MYO1G: variants seen among roughly 807,000 people sequenced by gnomAD.
The protein encoded by MYO1G is unconventional myosin-Ig.
Under a neutral mutation model 115.3 loss-of-function variants are expected in MYO1G, and 65 were observed. The observed-to-expected ratio is 0.56, with a 90% CI of 0.46 to 0.69. MYO1G has a LOEUF of 0.69. Ranked by LOEUF, MYO1G falls within the 30% of genes least tolerant of loss-of-function variation. MYO1G has a pLI of 0.00. For missense variants in MYO1G, 1,204 were observed against 1,393.5 expected (o/e 0.86, Z 2.16); for synonymous variants, 510 against 552.6 (o/e 0.92, Z 1.08).
chr7:44,972,275 C>A (rs749782651), intron 5 of MYO1G, 50 bp from the exon 6 acceptor site: 16 of 1,302,020 alleles, frequency 1.2e-5, no homozygotes, highest in Non-Finnish European at 1.7e-5. Flanking sequence ...GGATGTCCCC[C>A]TGTACACACA....
chr7:44,968,098 C>T (rs1192068619), intron 12 of MYO1G, 140 bp from the exon 13 acceptor site: 4 of 674,342 alleles, frequency 5.9e-6, no homozygotes, highest in Non-Finnish European at 1.0e-5. Context: ...TGCCTTGGCT[C>T]CTCTCCTCCT....
rs770696573 is a variant in MYO1G at position 44,975,554 on chromosome 7, T to C, written c.494A>G (p.Tyr165Cys). 3 of 1,613,938 alleles carry C rather than the reference T, an allele frequency of 1.9e-6. No homozygotes were observed. In the African/African-American group the frequency reaches 4.0e-5, roughly 22 times the overall value. ...RNHNSSRFGK[Y>C]MDINFDFKGD... ...CTTGAAGTCAAAGTTGATGTCCATGTACTTGCCAAAGCGGCTGGAGTTGTG... is the reference window on the plus strand; with the variant it reads ...CTTGAAGTCAAAGTTGATGTCCATGCACTTGCCAAAGCGGCTGGAGTTGTG... The change falls in exon 4 of 22, where the codon TAC becomes TGC. Residue 165 changes from tyrosine to cysteine, a missense_variant. Physicochemically the swap from Tyr to Cys is radical, Grantham distance 194. Transcript: ENST00000258787.
rs1293467932 is a variant in MYO1G at position 44,963,188 on chromosome 7, C to G, written c.2746-64G>C. 7.3e-7 allele frequency: 1 copy of G among 1,378,550 alleles called. No individual in the cohort carries two copies. The highest frequency in any genetic ancestry group is 1.5e-5 in the African/African-American group (1 of 65,438). 85.4% of individuals were successfully genotyped at this position (1,378,550 alleles called of 1,614,324 possible). On this transcript the variant is annotated intron_variant, in intron 20 of 21. Transcript: ENST00000258787. This position sits in a 1 kb window ranked among gnomAD's most constrained non-coding sequence, Gnocchi z 4.1. ...CCGCACCCCAGCCTAGCCGGACTCA[C>G]CCCCTCCCCAGGAAGCCTCTGCCGA...
chr7:44,971,874 G>A, intron 6 of MYO1G, 85 bp from the exon 7 acceptor site: 1 of 1,043,972 alleles, frequency 9.6e-7, no homozygotes, highest in Non-Finnish European at 1.4e-6. Flanking sequence ...TCCATCCTAG[G>A]CACCTGCTCA....
At position 44,967,674 on chromosome 7, in the gene MYO1G, C is replaced by T; in HGVS notation, c.1713G>A (p.Lys571=). 6.2e-7 allele frequency: 1 copy of T among 1,613,854 alleles called. No homozygotes were observed. The highest frequency in any genetic ancestry group is 1.7e-5 in the Admixed American group (1 of 60,038). The change falls in exon 14 of 22, where the codon AAG becomes AAA. Residue 571 remains lysine (K), a synonymous_variant. Coordinates refer to ENST00000258787, the MANE Select transcript of MYO1G (RefSeq NM_033054.3). ...AGAGTGTGCCAGCCGTCAGGGGGCG[C>T]TTGGTCACCTCTGTGATGTCCTGCT... ...DGQQDITEVT[K]RPLTAGTLFK...
chr7:44,964,330 C>T lies in MYO1G; in HGVS notation c.2631+85G>A, dbSNP rs1321733092. The T allele has an allele frequency of 1.4e-6, 2 of 1,439,128 alleles. No homozygotes were observed. Among genetic ancestry groups the T allele is most frequent in the Admixed American group, 3.4e-5 (2 of 59,258 alleles). 89.1% of individuals were successfully genotyped at this position (1,439,128 alleles called of 1,614,324 possible). A position where few individuals can be genotyped will look rare whatever the true frequency, so the allele number is the denominator to read the frequency against. On this transcript the variant is annotated intron_variant, in intron 19 of 21. Coordinates refer to ENST00000258787, the MANE Select transcript of MYO1G (RefSeq NM_033054.3). This position sits in a 1 kb window ranked among gnomAD's most constrained non-coding sequence, Gnocchi z 5.1. ...CCTCCATTTTCTCCCAAGTGCCCCCCCAAAACTCTGCACCAGCTTCTAACC... is the reference window on the plus strand; with the variant it reads ...CCTCCATTTTCTCCCAAGTGCCCCCTCAAAACTCTGCACCAGCTTCTAACC...
At chr7:44,967,816 C>T (rs1418499167) in intron 13 of MYO1G, 68 bp downstream of exon 13, 1 of 1,612,164 alleles carries the variant, frequency 6.2e-7, no homozygotes, top group Non-Finnish European at 8.5e-7. Context: ...TAGTCAATGC[C>T]TGACCCCAGA....
Position 44,970,159 on chromosome 7 carries a change from G to A in MYO1G, c.1218-5C>T. The A allele has an allele frequency of 1.2e-6, 2 of 1,605,420 alleles. No homozygotes were observed. Among genetic ancestry groups the A allele is most frequent in the Non-Finnish European group, 1.7e-6 (2 of 1,172,694 alleles). ...TTGATGCAGAACTGCTCGAAACTGG[G>A]GGTGGGGTGGGCCTTTCAGAGGGGA... On this transcript the variant is annotated splice_polypyrimidine_tract_variant and splice_region_variant and intron_variant, in intron 9 of 21. Transcript: ENST00000258787.
At chr7:44,977,295 T>C (rs554338934) in intron 1 of MYO1G, among the ~76,000 whole-genome samples, 5 of 152,324 alleles carry the variant, frequency 3.3e-5, no homozygotes, top group Non-Finnish European at 7.3e-5. Flanking sequence ...GGCATAGAGT[T>C]TGGGGTCCAC....
Position 44,975,484 on chromosome 7 carries a change from C to G in MYO1G, c.564G>C (p.Lys188Asn). The change falls in exon 4 of 22, where the codon AAG becomes AAC. Residue 188 changes from lysine to asparagine, a missense_variant and splice_region_variant. Lys to Asn is a moderately conservative substitution (Grantham distance 94, BLOSUM62 0). Transcript: ENST00000258787. ...GGHIHSYLLE[K>N]SRVLKQHVGE... ...AGGTCTCCTCAGCCCACCTGCCCAC[C>G]TTCTCCAGTAGGTAGCTGTGGATGT... 1.9e-6 allele frequency: 3 copies of G among 1,606,264 alleles called. 1 individual carries two copies. In the South Asian group the frequency reaches 3.3e-5, roughly 18 times the overall value.
In MYO1G at chr7:44,963,877, G is replaced by T. The variant is rs1452141936; in HGVS notation, c.2745+172C>A. On this transcript the variant is annotated intron_variant, in intron 20 of 21. Coordinates refer to ENST00000258787, the MANE Select transcript of MYO1G (RefSeq NM_033054.3). This position sits in a 1 kb window ranked among gnomAD's most constrained non-coding sequence, Gnocchi z 4.1. ...CACAGGATGGGACCTTTCACTCTGT[G>T]GGCGTGGGAAGCCACTGCAGGATTT... The T allele has an allele frequency of 3.2e-6, 2 of 616,026 alleles. No individual in the cohort carries two copies. The highest frequency in any genetic ancestry group is 5.6e-5 in the East Asian group (2 of 35,864). The allele number at this position is 616,026 out of a possible 1,614,324, so 38.2% of individuals were successfully genotyped here.
intron 2 of MYO1G, 100 bp downstream of exon 2, chr7:44,976,763 C>A: frequency 6.4e-7 from 1 of 1,573,912 alleles, no homozygotes; most frequent in Non-Finnish European, 8.7e-7. Flanking sequence ...GTCCTAGGGC[C>A]CCCATCAGGA....
chr7:44,963,137 C>G lies in MYO1G; in HGVS notation c.2746-13G>C. The G allele has an allele frequency of 6.9e-7, 1 of 1,441,700 alleles. No homozygotes were observed. The highest frequency in any genetic ancestry group is 9.1e-7 in the Non-Finnish European group (1 of 1,101,574). 89.3% of individuals were successfully genotyped at this position (1,441,700 alleles called of 1,614,324 possible). A position where few individuals can be genotyped will look rare whatever the true frequency, so the allele number is the denominator to read the frequency against. On this transcript the variant is annotated splice_polypyrimidine_tract_variant and intron_variant, in intron 20 of 21. Transcript: ENST00000258787. The surrounding 1 kb of genome is among the most constrained non-coding windows in gnomAD (Gnocchi z 4.1). ...TCAGCCCCGTCACCTGAGCGGAGCG[C>G]GGGGTCAGAGTGCAGCCGCCTCAAC... is the stretch of plus-strand genomic sequence containing the variant.
intron 14 of MYO1G, among the ~76,000 whole-genome samples, 181 bp downstream of exon 14, chr7:44,967,424 C>A (rs1364920624): frequency 1.3e-5 from 2 of 152,192 alleles, no homozygotes; most frequent in Non-Finnish European, 2.9e-5. Flanking sequence ...CCCCTGAGGC[C>A]CCACATCTCA....
rs1795067975 is a variant in MYO1G, at chr7:44,977,068, G to C, written c.99C>G (p.Phe33Leu). 10 of 1,611,514 alleles carry C rather than the reference G, an allele frequency of 6.2e-6. No homozygotes were observed. The highest frequency in any genetic ancestry group is 1.3e-5 in the African/African-American group (1 of 74,480). Residue 33 changes from phenylalanine (F) to leucine (L), a missense_variant, in exon 2 of 22, where the codon TTC (phenylalanine) becomes TTG (leucine). Coordinates refer to ENST00000258787, the MANE Select transcript of MYO1G (RefSeq NM_033054.3). Reference sequence around the variant, plus strand: ...TGTAGGTGTAGATGCGGCCCTTCTCGAACCTGGACACAGCAGGGGTAGGCC... The same window carrying C: ...TGTAGGTGTAGATGCGGCCCTTCTCCAACCTGGACACAGCAGGGGTAGGCC... ...EDFMRNLQLR[F>L]EKGRIYTYIG... is the part of the protein sequence containing the mutation.
At chr7:44,970,335 C>T (rs571480326) in intron 9 of MYO1G, among the ~76,000 whole-genome samples, 181 bp from the exon 10 acceptor site, 1 of 152,314 alleles carries the variant, frequency 6.6e-6, no homozygotes, top group South Asian at 2.1e-4. Context: ...ACCCACACCT[C>T]CTGCATGCAC....
rs1794809456 is a variant in MYO1G, at chr7:44,964,774, C to T, written c.2526+171G>A. On this transcript the variant is annotated intron_variant, in intron 18 of 21. Coordinates refer to ENST00000258787, the MANE Select transcript of MYO1G (RefSeq NM_033054.3). The surrounding 1 kb of genome is among the most constrained non-coding windows in gnomAD (Gnocchi z 5.1). Reference sequence around the variant, plus strand: ...CCCCGAAGGCCACTGCTCCTGAAGCCCAGGATGAGACCTTGCAGAGCTCTG... The same window carrying T: ...CCCCGAAGGCCACTGCTCCTGAAGCTCAGGATGAGACCTTGCAGAGCTCTG... 1.3e-5 allele frequency among the ~76,000 whole-genome samples: 2 copies of T among 152,170 alleles called. No homozygotes were observed. The highest frequency in any genetic ancestry group is 2.9e-5 in the Non-Finnish European group (2 of 68,016).
rs762614120 is a variant in MYO1G at position 44,970,157 on chromosome 7, G to T, written c.1218-3C>A. 2.1e-5 allele frequency: 33 copies of T among 1,609,390 alleles called. No homozygotes were observed. Among genetic ancestry groups the T allele is most frequent in the Non-Finnish European group, 2.8e-5 (33 of 1,176,268 alleles). On this transcript the variant is annotated splice_polypyrimidine_tract_variant and splice_region_variant and intron_variant, in intron 9 of 21. Transcript: ENST00000258787. ...AGTTGATGCAGAACTGCTCGAAACT[G>T]GGGGTGGGGTGGGCCTTTCAGAGGG...
Position 44,971,075 on chromosome 7 carries a change from C to T in MYO1G, c.847-16G>A, listed in dbSNP as rs774405437. On this transcript the variant is annotated splice_polypyrimidine_tract_variant and intron_variant, in intron 7 of 21. Coordinates refer to ENST00000258787, the MANE Select transcript of MYO1G (RefSeq NM_033054.3). ...CGATGTTTCCCTGGTGATGGGAAAA[C>T]CATGAACAGTCCGGGCTCCATGTCT... 1 of 1,600,170 alleles carries T rather than the reference C, an allele frequency of 6.2e-7. No individual in the cohort carries two copies. The highest frequency in any genetic ancestry group is 8.5e-7 in the Non-Finnish European group (1 of 1,173,512).
Sources: gnomAD v4.1 joint callset for allele counts (sites outside exome capture counted in the v4.1 genomes callset) on GRCh38, gnomAD v4.1.1 for gene constraint, Gnocchi (gnomAD v3.1) non-coding constraint, MANE v1.5 for transcripts, NCBI Gene and HGNC (gene_info 2026-07-23, HGNC 2026-07-21) for gene names.